JMY: variants seen among roughly 807,000 people sequenced by gnomAD.
The protein encoded by JMY is junction mediating and regulatory protein, p53 cofactor.
A neutral mutation model predicts 103.3 loss-of-function variants in JMY; 46 were observed. That is an observed-to-expected ratio of 0.45 (90% CI 0.35 to 0.57). The LOEUF (loss-of-function observed/expected upper bound fraction) is 0.57, where lower values mean the gene tolerates loss of function less well. Ranked by LOEUF, JMY falls within the 20% of genes least tolerant of loss-of-function variation. The probability of loss-of-function intolerance (pLI) is 0.00; values close to 1 mark genes in which losing one functional copy is unlikely to be tolerated. For missense variants in JMY, 1,238 were observed against 1,255.2 expected (o/e 0.99, Z 0.21); for synonymous variants, 526 against 489.3 (o/e 1.07, Z -0.99).
rs766080949 is a variant in JMY at position 79,237,325 on chromosome 5, A to G, written c.675A>G (p.Glu225=). The G allele has an allele frequency of 4.7e-5, 74 of 1,587,190 alleles. No individual in the cohort carries two copies. In the African/African-American group the frequency reaches 8.8e-4, roughly 19 times the overall value. ...CCACCGAGCTGGAGTCTCCGGCCGAAGAGTGCAGCTGGGCCGGACTGTTTT... is the reference window on the plus strand; with the variant it reads ...CCACCGAGCTGGAGTCTCCGGCCGAGGAGTGCAGCTGGGCCGGACTGTTTT... ...PPATELESPA[E]ECSWAGLFSF... is the part of the protein sequence containing the mutation. Residue 225 remains glutamate (E), a synonymous_variant, in exon 1 of 11, where the codon GAA becomes GAG. Coordinates refer to ENST00000396137, the MANE Select transcript of JMY (RefSeq NM_152405.5).
chr5:79,280,697 A>T (rs866884568), intron 2 of JMY, among the ~76,000 whole-genome samples: 1 of 152,246 alleles, frequency 6.6e-6, no homozygotes, highest in African/African-American at 2.4e-5. Flanking sequence ...TAATTTAATT[A>T]TCACACAACC....
At chr5:79,249,135 G>C (rs1745000983) in intron 1 of JMY, among the ~76,000 whole-genome samples, 2 of 151,302 alleles carry the variant, frequency 1.3e-5, no homozygotes, top group African/African-American at 4.9e-5. Context: ...TGAAAAGTAG[G>C]GTTAAAGAAA....
chr5:79,316,135 G>A lies in JMY; in HGVS notation c.2795G>A (p.Gly932Glu). Residue 932 changes from glycine (G) to glutamate (E), a missense_variant, in exon 10 of 11, where the codon GGG (glycine) becomes GAG (glutamate). Gly to Glu is a moderately conservative substitution (Grantham distance 98). Transcript: ENST00000396137. ...AATATCTTGGCACAAATAAGGAAAG[G>A]GGTAAAATTGAAGAAGGTACAGAAG... is the stretch of plus-strand genomic sequence containing the variant. ...SNNILAQIRK[G>E]VKLKKVQKDV... is the part of the protein sequence containing the mutation. The A allele has an allele frequency of 6.2e-7, 1 of 1,614,146 alleles. No homozygotes were observed.
intron 10 of JMY, among the ~76,000 whole-genome samples, chr5:79,318,524 C>A (rs1157201736): frequency 6.6e-6 from 1 of 152,056 alleles, no homozygotes; most frequent in Non-Finnish European, 1.5e-5. Context: ...TCCTGTAGTA[C>A]CTCTCCACCA....
At chr5:79,308,877 C>G (rs1250779940) in intron 7 of JMY, among the ~76,000 whole-genome samples, 1 of 152,078 alleles carries the variant, frequency 6.6e-6, no homozygotes, top group East Asian at 1.9e-4. Context: ...TAATTTTCCT[C>G]ATAAAGATCT....
At chr5:79,281,074 T>G (rs555533371) in intron 2 of JMY, among the ~76,000 whole-genome samples, 29 of 151,992 alleles carry the variant, frequency 1.9e-4, no homozygotes, top group Admixed American at 5.2e-4. Context: ...AGACAGAGTC[T>G]CGCTCTGTTG....
intron 1 of JMY, among the ~76,000 whole-genome samples, chr5:79,255,215 G>A (rs188933252): frequency 2.8e-4 from 41 of 147,102 alleles, no homozygotes; most frequent in African/African-American, 9.8e-4. Flanking sequence ...TCCTGCCTCC[G>A]CCTCCTGAGT....
chr5:79,256,524 C>G (rs1282893165), intron 1 of JMY, among the ~76,000 whole-genome samples: 1 of 152,074 alleles, frequency 6.6e-6, no homozygotes, highest in Admixed American at 6.6e-5. Flanking sequence ...TGCAGAGTCT[C>G]GTAAAGGGTA....
intron 1 of JMY, among the ~76,000 whole-genome samples, chr5:79,277,295 G>A (rs758707157): frequency 2.8e-4 from 43 of 152,008 alleles, no homozygotes; most frequent in Non-Finnish European, 8.8e-5. Flanking sequence ...TATTGGAAAT[G>A]TTCCAGATTT....
chr5:79,270,622 A>ATTTACAT (rs1745748459), intron 1 of JMY, among the ~76,000 whole-genome samples: 1 of 140,988 alleles, frequency 7.1e-6, no homozygotes, highest in African/African-American at 2.7e-5. Flanking sequence ...ATGTTTATAT[A>ATTTACAT]AAATATATTT....
chr5:79,237,650 G>A lies in JMY; in HGVS notation c.1000G>A (p.Val334Met). 1.2e-6 allele frequency: 2 copies of A among 1,613,634 alleles called. No homozygotes were observed. The highest frequency in any genetic ancestry group is 1.7e-5 in the Admixed American group (1 of 59,990). ...GCTGCGGCAGAAGGGCTACGAAGAA[G>A]TGCTTCAGCGGGCCAGGAAGCGCAT... ...SELRQKGYEEVLQRARKRIQE... is the reference protein window; with the variant it reads ...SELRQKGYEEMLQRARKRIQE... The change falls in exon 1 of 11, where the codon GTG becomes ATG. Residue 334 changes from valine to methionine, a missense_variant. Val to Met is a conservative substitution (Grantham distance 21). Coordinates refer to ENST00000396137, the MANE Select transcript of JMY (RefSeq NM_152405.5).
chr5:79,304,879 C>T (rs756794391), intron 6 of JMY, among the ~76,000 whole-genome samples: 4 of 152,204 alleles, frequency 2.6e-5, no homozygotes, highest in Non-Finnish European at 5.9e-5. Flanking sequence ...AGGGAACCAA[C>T]GCTTCTGGTA....
intron 2 of JMY, among the ~76,000 whole-genome samples, chr5:79,279,558 C>T (rs537782143): frequency 2.0e-5 from 3 of 152,086 alleles, no homozygotes; most frequent in East Asian, 3.9e-4. Flanking sequence ...ACTTTGAGAA[C>T]CTTATGCGTG....
chr5:79,324,641 A>T lies in JMY; in HGVS notation c.*3039A>T, dbSNP rs537001621. ...AAATCATTGTGTATATTACAGCAGT[A>T]TGAGGAATGCCTGGCTAAAGAGGAT... On this transcript the variant is annotated 3_prime_UTR_variant, in exon 11 of 11. Coordinates refer to ENST00000396137, the MANE Select transcript of JMY (RefSeq NM_152405.5). 6.6e-6 allele frequency: 1 copy of T among 152,340 alleles called. No individual in the cohort carries two copies. The highest frequency in any genetic ancestry group is 1.9e-4 in the East Asian group (1 of 5,186). 9.4% of individuals were successfully genotyped at this position (152,340 alleles called of 1,614,324 possible). A position where few individuals can be genotyped will look rare whatever the true frequency, so the allele number is the denominator to read the frequency against.
At chr5:79,245,063 A>G (rs986514994) in intron 1 of JMY, among the ~76,000 whole-genome samples, 13 of 152,152 alleles carry the variant, frequency 8.5e-5, no homozygotes, top group Admixed American at 8.5e-4. Flanking sequence ...TATAATTACA[A>G]TTCTATATAG....
rs1215835236 is a variant in JMY, at chr5:79,300,189, C to T, written c.1564C>T (p.Arg522Ter). The T allele has an allele frequency of 2.5e-6, 4 of 1,613,116 alleles. No individual in the cohort carries two copies. The highest frequency in any genetic ancestry group is 1.1e-5 in the South Asian group (1 of 90,976). ...GCGGGGTGGTACAGAAGCGATAGCA[C>T]GATTGGATCAGTTAGAAGCTGATTA... ...SLRGGTEAIA[R>*]LDQLEADYYD... Residue 522 changes from arginine to a stop codon, truncating the protein, a stop_gained, in exon 5 of 11, where the codon CGA becomes TGA. Coordinates refer to ENST00000396137, the MANE Select transcript of JMY (RefSeq NM_152405.5). LOFTEE classifies it high-confidence loss of function.
chr5:79,285,544 C>G (rs1327536398), intron 2 of JMY, among the ~76,000 whole-genome samples: 1 of 137,894 alleles, frequency 7.3e-6, no homozygotes, highest in Non-Finnish European at 1.5e-5. Context: ...TCCTTTAGTT[C>G]ACTTGAGTTT....
Position 79,322,876 on chromosome 5 carries a change from A to C in JMY, c.*1274A>C, listed in dbSNP as rs1051023831. The C allele has an allele frequency of 4.6e-5, 7 of 152,234 alleles. No homozygotes were observed. Among genetic ancestry groups the C allele is most frequent in the Admixed American group, 6.5e-5 (1 of 15,268 alleles). The allele number at this position is 152,234 out of a possible 1,614,324, so 9.4% of individuals were successfully genotyped here. Reference sequence around the variant, plus strand: ...GGAGTTAAGAACTAAAATACCAAAAATCACTTTATTTCTTTTAAGACAATT... The same window carrying C: ...GGAGTTAAGAACTAAAATACCAAAACTCACTTTATTTCTTTTAAGACAATT... On this transcript the variant is annotated 3_prime_UTR_variant, in exon 11 of 11. Transcript: ENST00000396137.
At chr5:79,272,759 G>A (rs112632417) in intron 1 of JMY, among the ~76,000 whole-genome samples, 1,953 of 152,210 alleles carry the variant, frequency 0.013, 40 homozygotes, top group African/African-American at 0.043. Context: ...TCAGCTTCCC[G>A]AGTAGCTGGG....
Sources: gnomAD v4.1 joint callset for allele counts (sites outside exome capture counted in the v4.1 genomes callset) on GRCh38, gnomAD v4.1.1 for gene constraint, MANE v1.5 for transcripts, NCBI Gene and HGNC (gene_info 2026-07-23, HGNC 2026-07-21) for gene names.